The following DCDC2 variants were observed in gnomAD, a reference collection of about 807,000 sequenced individuals.
DCDC2 encodes the protein doublecortin domain-containing protein 2.
A neutral mutation model predicts 50.2 loss-of-function variants in DCDC2; 40 were observed. The ratio of observed to expected loss-of-function variants is 0.80; its 90% CI spans 0.62 to 1.04. DCDC2 has a LOEUF of 1.04. DCDC2 is among the 50% of genes least tolerant of loss of function. The pLI, the probability that DCDC2 is intolerant of heterozygous loss-of-function variation, is 0.00. For synonymous variants in DCDC2, 234 were observed against 210.6 expected, an observed-to-expected ratio of 1.11 and a Z score of -0.96; for missense variants, 570 against 581.9, an observed-to-expected ratio of 0.98 and a Z score of 0.21.
intron 7 of DCDC2, among the ~76,000 whole-genome samples, chr6:24,211,668 T>C (rs1326624237): frequency 1.3e-5 from 2 of 152,056 alleles, no homozygotes; most frequent in African/African-American, 2.4e-5. Context: ...GCTTTGAAGA[T>C]GGAAAGGCCA....
intron 7 of DCDC2, among the ~76,000 whole-genome samples, chr6:24,246,776 C>T (rs1400750321): frequency 6.6e-6 from 1 of 152,064 alleles, no homozygotes; most frequent in East Asian, 1.9e-4. Context: ...CATGAGCCAC[C>T]GTGCCTGGCC....
At chr6:24,310,138 T>C (rs1759547310) in intron 2 of DCDC2, among the ~76,000 whole-genome samples, 1 of 152,212 alleles carries the variant, frequency 6.6e-6, no homozygotes, top group South Asian at 2.1e-4. Flanking sequence ...AGTAGATTTG[T>C]ATTAAAGTGT....
At chr6:24,232,762 T>G (rs958004873) in intron 7 of DCDC2, among the ~76,000 whole-genome samples, 1 of 152,066 alleles carries the variant, frequency 6.6e-6, no homozygotes, top group Non-Finnish European at 1.5e-5. Context: ...CACAGTGCCT[T>G]CCAGAAGGTC....
chr6:24,286,354 A>G (rs1049544720), intron 6 of DCDC2, among the ~76,000 whole-genome samples: 32 of 152,310 alleles, frequency 2.1e-4, no homozygotes, highest in African/African-American at 7.7e-4. Flanking sequence ...ACACTTTGCG[A>G]GGCCAAGGCA....
chr6:24,306,188 C>T (rs1759469492), intron 2 of DCDC2, among the ~76,000 whole-genome samples: 2 of 152,062 alleles, frequency 1.3e-5, no homozygotes, highest in Middle Eastern at 3.2e-3. Flanking sequence ...CACTGGTGAG[C>T]AGACTGACCA....
At chr6:24,359,582 T>C (rs1760625112), upstream of DCDC2, among the ~76,000 whole-genome samples, 1 of 122,442 alleles carries the variant, frequency 8.2e-6, no homozygotes, top group South Asian at 2.2e-4. Flanking sequence ...ATATTTTATA[T>C]ATATTATATA....
At chr6:24,268,861 T>C (rs940885364) in intron 7 of DCDC2, among the ~76,000 whole-genome samples, 2 of 152,174 alleles carry the variant, frequency 1.3e-5, no homozygotes, top group African/African-American at 4.8e-5. Flanking sequence ...CATGAGCCAC[T>C]GTGCCAGGCC....
the DCDC2 span, among the ~76,000 whole-genome samples, chr6:24,371,987 G>A: frequency 1.3e-5 from 2 of 152,222 alleles, no homozygotes; most frequent in East Asian, 3.9e-4. Flanking sequence ...TGGAGAGGAT[G>A]TGGAGAAATA....
chr6:24,264,464 T>C (rs1763075420), intron 7 of DCDC2, among the ~76,000 whole-genome samples: 1 of 152,038 alleles, frequency 6.6e-6, no homozygotes, highest in Non-Finnish European at 1.5e-5. Flanking sequence ...AAATAATATG[T>C]TTAAAAGTTG....
intron 7 of DCDC2, among the ~76,000 whole-genome samples, chr6:24,211,505 G>T (rs142438496): frequency 3.1e-4 from 47 of 152,298 alleles, no homozygotes; most frequent in African/African-American, 1.1e-3. Context: ...ATGGAATTAA[G>T]GTTGCTAAGC....
At chr6:24,235,943 G>T (rs1360867014) in intron 7 of DCDC2, among the ~76,000 whole-genome samples, 1 of 152,148 alleles carries the variant, frequency 6.6e-6, no homozygotes, top group East Asian at 1.9e-4. Flanking sequence ...ACTGCTGAAA[G>T]AAATCATAGA....
chr6:24,236,618 T>C (rs1409625033), intron 7 of DCDC2, among the ~76,000 whole-genome samples: 1 of 152,082 alleles, frequency 6.6e-6, no homozygotes, highest in Non-Finnish European at 1.5e-5. Flanking sequence ...AGCTACAGAA[T>C]AGAATATCTG....
upstream of DCDC2, among the ~76,000 whole-genome samples, chr6:24,359,908 C>G (rs939037904): frequency 1.3e-5 from 2 of 152,198 alleles, no homozygotes; most frequent in African/African-American, 4.8e-5. Flanking sequence ...AGCGCGCAAG[C>G]GGGGCCCTGG....
At chr6:24,292,909 C>T (rs1355904675) in intron 4 of DCDC2, among the ~76,000 whole-genome samples, 1 of 152,166 alleles carries the variant, frequency 6.6e-6, no homozygotes, top group African/African-American at 2.4e-5. Context: ...GCCAAATGTC[C>T]CCAAGGGGCA....
rs539910211 is a variant in DCDC2 at position 24,314,078 on chromosome 6, A to C, written c.349-12034T>G. Among the ~76,000 whole-genome samples, 3 of 152,352 alleles carry C rather than the reference A, an allele frequency of 2.0e-5. No homozygotes were observed. The East Asian group carries it at 5.8e-4, about 29-fold the overall frequency. On this transcript the variant is annotated intron_variant, in intron 2 of 9. Transcript: ENST00000378454. ...CTCAGCTACAGGATGAGGGCACTGC[A>C]TTTCAGCAATCTCTCCAAGTTCTCA...
At position 24,189,505 on chromosome 6, in the gene DCDC2, G is replaced by A. The variant is rs137957016; in HGVS notation, c.1024-10873C>T. On this transcript the variant is annotated intron_variant, in intron 8 of 9. Coordinates refer to ENST00000378454, the MANE Select transcript of DCDC2 (RefSeq NM_016356.5). ...AACAGCAGCAACAAAAATTAAAAAC[G>A]GGGAAAGCCATCTAAAGAGAGACCA... 3.2e-3 allele frequency among the ~76,000 whole-genome samples: 480 copies of A among 152,160 alleles called. 3 individuals are homozygous for A. The highest frequency in any genetic ancestry group is 0.011 in the African/African-American group (444 of 41,518).
At chr6:24,181,612 G>A (rs1337679562) in intron 8 of DCDC2, among the ~76,000 whole-genome samples, 1 of 152,148 alleles carries the variant, frequency 6.6e-6, no homozygotes, top group Non-Finnish European at 1.5e-5. Context: ...AAAACACTTA[G>A]GAGTTAGCCA....
chr6:24,261,265 T>C (rs28605438), intron 7 of DCDC2, among the ~76,000 whole-genome samples: 1 of 151,808 alleles, frequency 6.6e-6, no homozygotes, highest in Non-Finnish European at 1.5e-5. Flanking sequence ...GTTTCTGATC[T>C]GAGATGTCAG....
intron 7 of DCDC2, among the ~76,000 whole-genome samples, chr6:24,246,712 C>A (rs180846558): frequency 1.9e-3 from 293 of 152,046 alleles, no homozygotes; most frequent in African/African-American, 6.8e-3. Flanking sequence ...GTCTTGAACT[C>A]CTGACCTCAG....
Sources: allele counts gnomAD v4.1 joint callset (sites outside exome capture counted in the v4.1 genomes callset), GRCh38; gene constraint gnomAD v4.1.1; transcripts MANE v1.5; gene names NCBI Gene and HGNC (gene_info 2026-07-23, HGNC 2026-07-21).